ACSF3: variants seen among roughly 807,000 people sequenced by gnomAD.
ACSF3 encodes acyl-CoA synthetase family member 3, also known as malonate--CoA ligase ACSF3, mitochondrial.
ACSF3 carries 78 observed loss-of-function variants against 53.2 expected under a neutral mutation model. The observed-to-expected ratio is 1.47, with a 90% CI of 1.22 to 1.77. ACSF3 has a LOEUF of 1.77. Ranked by LOEUF, ACSF3 falls within the 40% of genes most tolerant of loss-of-function variation. The pLI, the probability that ACSF3 is intolerant of heterozygous loss-of-function variation, is 0.00. For synonymous variants in ACSF3, 414 were observed against 333.1 expected, an observed-to-expected ratio of 1.24 and a Z score of -2.65; for missense variants, 937 against 771.1, an observed-to-expected ratio of 1.22 and a Z score of -2.55.
In ACSF3 at chr16:89,133,179, G is replaced by C; in HGVS notation, c.1283G>C (p.Arg428Thr). The change falls in exon 8 of 11, where the codon AGG (arginine) becomes ACG (threonine). Residue 428 changes from arginine (R) to threonine (T), a missense_variant. Transcript: ENST00000614302. ...FEEKEGELLV[R>T]GPSVFREYWN... ...GAAAAGGAGGGGGAGCTGCTGGTGA[G>C]GGGACCCTCCGTGTTTCGAGAATAC... The C allele has an allele frequency of 1.2e-6, 2 of 1,614,080 alleles. No individual in the cohort carries two copies. Among genetic ancestry groups the C allele is most frequent in the Non-Finnish European group, 1.7e-6 (2 of 1,180,016 alleles).
In ACSF3 at chr16:89,128,441, G is replaced by A. The variant is rs555320956; in HGVS notation, c.1240-4695G>A. Among the ~76,000 whole-genome samples the A allele has an allele frequency of 1.2e-3, 175 of 151,554 alleles. 2 individuals carry two copies. Among genetic ancestry groups the A allele is most frequent in the African/African-American group, 3.8e-3 (158 of 41,306 alleles). ...ACGCCCAGCTAATTTTTTGTATTTA[G>A]TACAGATGGGGTTTCACCATGTTGG... On this transcript the variant is annotated intron_variant, in intron 7 of 10. Coordinates refer to ENST00000614302, the MANE Select transcript of ACSF3 (RefSeq NM_001243279.3).
At chr16:89,148,811 C>G (rs954157963) in intron 10 of ACSF3, 1 of 152,224 alleles carries the variant, frequency 6.6e-6, no homozygotes, top group African/African-American at 2.4e-5. Context: ...GCCCACAAAA[C>G]CATTCTTCCC....
intron 4 of ACSF3, among the ~76,000 whole-genome samples, chr16:89,105,259 C>G (rs1219197470): frequency 6.6e-6 from 1 of 152,214 alleles, no homozygotes; most frequent in Non-Finnish European, 1.5e-5. Flanking sequence ...TCTGCGTGGT[C>G]CATCCCGGAG....
At chr16:89,101,461 C>T (rs573599327) in intron 3 of ACSF3, 114 bp downstream of exon 3, 2 of 1,531,416 alleles carry the variant, frequency 1.3e-6, no homozygotes, top group Non-Finnish European at 8.8e-7. Context: ...TCACAGTTGT[C>T]ACCATCCTGC....
intron 6 of ACSF3, chr16:89,115,421 TG>T (rs1904943795): frequency 6.6e-6 from 1 of 152,326 alleles, no homozygotes; most frequent in East Asian, 1.9e-4. Context: ...CTGCAGGACG[TG>T]GCCTCTGAGC....
intron 7 of ACSF3, among the ~76,000 whole-genome samples, chr16:89,131,084 A>G (rs1469517031): frequency 2.6e-5 from 2 of 77,222 alleles, no homozygotes; most frequent in Non-Finnish European, 6.0e-5. Flanking sequence ...TTTTCCATTT[A>G]TTTCCAAGTG....
intron 10 of ACSF3, chr16:89,152,896 AAG>A (rs1914266607): frequency 1.3e-5 from 2 of 152,150 alleles, no homozygotes; most frequent in South Asian, 4.1e-4. Flanking sequence ...AAGAGAAAAA[AAG>A]AAAAATGCGA....
chr16:89,110,233 G>A (rs775809907), intron 4 of ACSF3, among the ~76,000 whole-genome samples: 5 of 152,202 alleles, frequency 3.3e-5, no homozygotes, highest in Non-Finnish European at 5.9e-5. Context: ...CACAGGTCAT[G>A]TCATGAAGAT....
At position 89,100,712 on chromosome 16, in the gene ACSF3, C is replaced by T. The variant is rs901081235; in HGVS notation, c.31C>T (p.Arg11Cys). 2.8e-5 allele frequency: 45 copies of T among 1,600,436 alleles called. No homozygotes were observed. Among genetic ancestry groups the T allele is most frequent in the East Asian group, 4.5e-5 (2 of 44,826 alleles). Residue 11 changes from arginine to cysteine, a missense_variant, in exon 3 of 11, where the codon CGC becomes TGC. By Grantham distance (180) the Arg-to-Cys change is radical (BLOSUM62 -3). Coordinates refer to ENST00000614302, the MANE Select transcript of ACSF3 (RefSeq NM_001243279.3). Reference sequence around the variant, plus strand: ...GCCCCATGTGGTGCTCACCTTCCGGCGCCTGGGCTGCGCCTTGGCGTCCTG... The same window carrying T: ...GCCCCATGTGGTGCTCACCTTCCGGTGCCTGGGCTGCGCCTTGGCGTCCTG... MLPHVVLTFR[R>C]LGCALASCRL...
At chr16:89,109,214 A>G (rs1244945488) in intron 4 of ACSF3, among the ~76,000 whole-genome samples, 1 of 140,460 alleles carries the variant, frequency 7.1e-6, no homozygotes, top group Non-Finnish European at 1.5e-5. Context: ...CCTGGGCAAC[A>G]GAGCAAGACT....
At chr16:89,119,803 C>T (rs1443589562) in intron 6 of ACSF3, among the ~76,000 whole-genome samples, 11 of 152,186 alleles carry the variant, frequency 7.2e-5, no homozygotes, top group African/African-American at 1.9e-4. Flanking sequence ...AGCCGGGCAC[C>T]GACAGCCCCT....
chr16:89,132,502 A>G (rs1909546536), intron 7 of ACSF3, among the ~76,000 whole-genome samples: 2 of 152,120 alleles, frequency 1.3e-5, no homozygotes, highest in Admixed American at 6.5e-5. Context: ...CATGGTCACA[A>G]TAGAAGAACA....
At chr16:89,121,028 C>G (rs1906525208) in intron 7 of ACSF3, 115 bp downstream of exon 7, 13 of 928,748 alleles carry the variant, frequency 1.4e-5, no homozygotes, top group Non-Finnish European at 2.2e-5. Context: ...CGCAGGGGAC[C>G]AGCCCCCTGG....
intron 4 of ACSF3, among the ~76,000 whole-genome samples, chr16:89,111,824 A>G (rs183012265): frequency 6.6e-6 from 1 of 152,288 alleles, no homozygotes; most frequent in Non-Finnish European, 1.5e-5. Context: ...GAAGAGCCTG[A>G]CCACTCACGT....
At chr16:89,153,449 G>C (rs536705584) in intron 10 of ACSF3, 15 of 153,078 alleles carry the variant, frequency 9.8e-5, no homozygotes, top group African/African-American at 3.2e-4. Context: ...ACCCACCCGT[G>C]TCAGCACCGC....
intron 4 of ACSF3, among the ~76,000 whole-genome samples, chr16:89,106,261 T>G (rs898770595): frequency 6.6e-6 from 1 of 151,850 alleles, no homozygotes; most frequent in Non-Finnish European, 1.5e-5. Context: ...GACACTTACT[T>G]GGGATTTTTC....
rs1292276846 is a variant in ACSF3, at chr16:89,101,052, C to T, written c.371C>T (p.Pro124Leu). 3.7e-6 allele frequency: 6 copies of T among 1,614,036 alleles called. No individual in the cohort carries two copies. The South Asian group carries it at 6.6e-5, about 18-fold the overall frequency. The change falls in exon 3 of 11, where the codon CCC becomes CTC. Residue 124 changes from proline to leucine, a missense_variant. By Grantham distance (98) the Pro-to-Leu change is moderately conservative. Transcript: ENST00000614302. Reference protein sequence around the residue: ...ASWMSGGVAVPLYRKHPAAQL... With the variant: ...ASWMSGGVAVLLYRKHPAAQL... ...TGGATGAGTGGCGGTGTGGCAGTCC[C>T]CCTCTACAGGAAGCATCCCGCGGCC... is the stretch of plus-strand genomic sequence containing the variant.
At chr16:89,104,016 G>A (rs553279931) in intron 4 of ACSF3, among the ~76,000 whole-genome samples, 5 of 152,326 alleles carry the variant, frequency 3.3e-5, no homozygotes, top group African/African-American at 1.2e-4. Flanking sequence ...GGATGGCGGT[G>A]GCTTTTAGGA....
intron 8 of ACSF3, among the ~76,000 whole-genome samples, chr16:89,139,924 C>G (rs1285424322): frequency 1.3e-5 from 2 of 152,152 alleles, no homozygotes; most frequent in Non-Finnish European, 2.9e-5. Context: ...ACAGGGTGTC[C>G]TCTGTCCCCA....
Sources: allele counts gnomAD v4.1 joint callset (sites outside exome capture counted in the v4.1 genomes callset), GRCh38; gene constraint gnomAD v4.1.1; transcripts MANE v1.5; gene names NCBI Gene and HGNC (gene_info 2026-07-23, HGNC 2026-07-21).